The following DNAJC3 variants were observed in gnomAD, a reference collection of about 807,000 sequenced individuals.
DNAJC3 encodes DnaJ heat shock protein family (Hsp40) member C3.
A neutral mutation model predicts 68.6 loss-of-function variants in DNAJC3; 38 were observed. The observed-to-expected ratio is 0.55, with a 90% CI of 0.43 to 0.73. The LOEUF is 0.73. Among genes scored for constraint, DNAJC3 ranks in the 30% least tolerant of loss-of-function variants. The pLI is 0.00. For synonymous variants in DNAJC3, 203 were observed against 204.0 expected (o/e 1.00, Z 0.04); for missense variants, 526 against 591.9 (o/e 0.89, Z 1.16).
At chr13:95,784,969 T>C (rs1393073687) in intron 9 of DNAJC3, among the ~76,000 whole-genome samples, 1 of 152,190 alleles carries the variant, frequency 6.6e-6, no homozygotes, top group Non-Finnish European at 1.5e-5. Flanking sequence ...AAAAAAATAC[T>C]GTGTAATAAA....
At chr13:95,734,576 G>A (rs1345993668) in intron 4 of DNAJC3, among the ~76,000 whole-genome samples, 7 of 151,830 alleles carry the variant, frequency 4.6e-5, no homozygotes, top group Admixed American at 2.6e-4. Context: ...GCTAGACTTG[G>A]GATGTTTTCA....
chr13:95,716,114 T>C (rs1881136353), intron 2 of DNAJC3, among the ~76,000 whole-genome samples: 1 of 152,038 alleles, frequency 6.6e-6, no homozygotes, highest in African/African-American at 2.4e-5. Context: ...GTTGAGATCA[T>C]GCCATTGTAC....
At chr13:95,734,608 T>G (rs942990755) in intron 4 of DNAJC3, among the ~76,000 whole-genome samples, 2 of 152,168 alleles carry the variant, frequency 1.3e-5, no homozygotes, top group African/African-American at 4.8e-5. Context: ...GTTAAGTAAG[T>G]TTTTTATCAC....
At chr13:95,696,307 G>T (rs987858587) in intron 1 of DNAJC3, among the ~76,000 whole-genome samples, 1 of 152,154 alleles carries the variant, frequency 6.6e-6, no homozygotes, top group African/African-American at 2.4e-5. Context: ...CCTCTCGGGC[G>T]TGTTACTCTC....
At chr13:95,723,420 A>G (rs1881408664) in intron 3 of DNAJC3, 54 bp downstream of exon 3, 7 of 1,574,198 alleles carry the variant, frequency 4.4e-6, no homozygotes, top group Non-Finnish European at 6.1e-6. Flanking sequence ...TTGGGGAGAG[A>G]TAATTTGTTT....
intron 1 of DNAJC3, among the ~76,000 whole-genome samples, chr13:95,701,552 A>G (rs1382637741): frequency 6.6e-6 from 1 of 152,178 alleles, no homozygotes; most frequent in Non-Finnish European, 1.5e-5. Flanking sequence ...AAATGATGGT[A>G]TTCCGCTGAA....
At chr13:95,699,374 C>T (rs2139615411) in intron 1 of DNAJC3, among the ~76,000 whole-genome samples, 1 of 152,284 alleles carries the variant, frequency 6.6e-6, no homozygotes, top group Non-Finnish European at 1.5e-5. Flanking sequence ...GTAACTCACC[C>T]TCTGGGGTAA....
chr13:95,790,771 A>G, intron 11 of DNAJC3, 102 bp from the exon 12 acceptor site: 2 of 1,319,418 alleles, frequency 1.5e-6, no homozygotes, highest in Non-Finnish European at 2.1e-6. Flanking sequence ...AAAAGTAAGT[A>G]GCTCCTCAAG....
At chr13:95,747,868 G>A (rs976853728) in intron 4 of DNAJC3, among the ~76,000 whole-genome samples, 1 of 152,216 alleles carries the variant, frequency 6.6e-6, no homozygotes, top group Non-Finnish European at 1.5e-5. Context: ...CAGGTTTCTG[G>A]ATTGTTCAAA....
intron 1 of DNAJC3, among the ~76,000 whole-genome samples, chr13:95,684,653 A>G (rs1199046527): frequency 6.6e-6 from 1 of 152,190 alleles, no homozygotes; most frequent in Non-Finnish European, 1.5e-5. Context: ...CATCTCAGCG[A>G]CCTTTAAGGC....
chr13:95,698,143 T>C (rs1038885605), intron 1 of DNAJC3, among the ~76,000 whole-genome samples: 2 of 151,982 alleles, frequency 1.3e-5, no homozygotes, highest in African/African-American at 4.8e-5. Context: ...GCCTATAGAG[T>C]ATGCTCTAGG....
intron 2 of DNAJC3, among the ~76,000 whole-genome samples, chr13:95,716,887 G>A (rs368847864): frequency 6.6e-6 from 1 of 152,186 alleles, no homozygotes; most frequent in East Asian, 1.9e-4. Flanking sequence ...ATTTGGGCAT[G>A]AAAACAGGAG....
At chr13:95,693,667 C>G (rs1418464407) in intron 1 of DNAJC3, 6 of 152,284 alleles carry the variant, frequency 3.9e-5, no homozygotes, top group Non-Finnish European at 4.4e-5. Flanking sequence ...TATTAGTCTT[C>G]TAACTAATAA....
chr13:95,724,191 A>G (rs1881431586), intron 3 of DNAJC3, among the ~76,000 whole-genome samples: 1 of 152,230 alleles, frequency 6.6e-6, no homozygotes, highest in African/African-American at 2.4e-5. Context: ...CAAAGGTTAA[A>G]TGGCTCATTT....
chr13:95,715,825 G>T (rs1189245181), intron 2 of DNAJC3, among the ~76,000 whole-genome samples: 1 of 151,348 alleles, frequency 6.6e-6, no homozygotes, highest in Non-Finnish European at 1.5e-5. Flanking sequence ...TATCATTTTA[G>T]TTCATGTAGA....
At chr13:95,761,375 T>A (rs1360349940) in intron 7 of DNAJC3, among the ~76,000 whole-genome samples, 4 of 152,106 alleles carry the variant, frequency 2.6e-5, no homozygotes, top group Non-Finnish European at 4.4e-5. Context: ...AGGGGGTTTA[T>A]AGGCTGGGCA....
chr13:95,784,785 T>TA (rs1420426874), intron 9 of DNAJC3, among the ~76,000 whole-genome samples: 1 of 152,052 alleles, frequency 6.6e-6, no homozygotes. Flanking sequence ...TTCTGCATAT[T>TA]AGATACCCAG....
chr13:95,733,913 T>C (rs1486872907), intron 4 of DNAJC3, among the ~76,000 whole-genome samples: 1 of 152,102 alleles, frequency 6.6e-6, no homozygotes, highest in Admixed American at 6.5e-5. Context: ...ATCCATTCAG[T>C]CAGTCCTTTA....
At chr13:95,782,618 G>A (rs1883487374) in intron 9 of DNAJC3, among the ~76,000 whole-genome samples, 1 of 152,108 alleles carries the variant, frequency 6.6e-6, no homozygotes. Context: ...AGAAGTGTCT[G>A]TTCATATCCT....
Sources: gnomAD v4.1 joint callset for allele counts (sites outside exome capture counted in the v4.1 genomes callset) on GRCh38, gnomAD v4.1.1 for gene constraint, MANE v1.5 for transcripts, NCBI Gene and HGNC (gene_info 2026-07-23, HGNC 2026-07-21) for gene names.